The following SLAMF9 variants were observed in gnomAD, a reference collection of about 807,000 sequenced individuals.
SLAMF9 encodes the protein CD2 family member 10.
Under a neutral mutation model 30.4 loss-of-function variants are expected in SLAMF9, and 25 were observed. The ratio of observed to expected loss-of-function variants is 0.82; its 90% confidence interval spans 0.60 to 1.15. The LOEUF (loss-of-function observed/expected upper bound fraction) is 1.15, where lower values mean the gene tolerates loss of function less well. Among genes scored for constraint, SLAMF9 ranks in the 50% most tolerant of loss-of-function variants. The probability of loss-of-function intolerance (pLI) is 0.00; values close to 1 mark genes in which losing one functional copy is unlikely to be tolerated. For missense variants in SLAMF9, 344 were observed against 346.1 expected (o/e 0.99, Z 0.05); for synonymous variants, 129 against 127.2 (o/e 1.01, Z -0.09).
the SLAMF9 span, chr1:159,983,451 A>C: frequency 6.6e-6 from 1 of 152,200 alleles, no homozygotes; most frequent in African/African-American, 2.4e-5. Flanking sequence ...CAAGAAAAGC[A>C]AGAGATCAAA....
chr1:159,971,929 G>A, the SLAMF9 span, among the ~76,000 whole-genome samples: 18 of 152,004 alleles, frequency 1.2e-4, no homozygotes, highest in African/African-American at 3.9e-4. Context: ...CCTTACCCCC[G>A]CCACCAAAAC....
chr1:159,963,031 T>A, the SLAMF9 span, among the ~76,000 whole-genome samples: 22 of 152,252 alleles, frequency 1.4e-4, no homozygotes, highest in African/African-American at 3.6e-4. Flanking sequence ...TAGAAGGAGA[T>A]GGTGGGTGGG....
chr1:159,960,535 G>A, the SLAMF9 span, among the ~76,000 whole-genome samples: 6 of 148,606 alleles, frequency 4.0e-5, no homozygotes, highest in African/African-American at 5.0e-5. Context: ...GTACCATCTC[G>A]GCTAACTGCA....
upstream of SLAMF9, among the ~76,000 whole-genome samples, chr1:159,954,413 C>G (rs1035353593): frequency 3.3e-5 from 5 of 152,168 alleles, no homozygotes; most frequent in Non-Finnish European, 7.3e-5. Context: ...AGCCCAAATC[C>G]CACTTCCTAA....
the SLAMF9 span, among the ~76,000 whole-genome samples, chr1:159,975,299 A>G: frequency 6.6e-6 from 1 of 152,198 alleles, no homozygotes; most frequent in African/African-American, 2.4e-5. Flanking sequence ...ACAGAGAGGA[A>G]CTGCTTAGTT....
At chr1:159,973,054 C>A in the SLAMF9 span, 7 of 1,434,662 alleles carry the variant, frequency 4.9e-6, no homozygotes, top group Non-Finnish European at 6.4e-6. Context: ...CCCTCGGGGG[C>A]CGCCTCACAC....
the SLAMF9 span, chr1:159,973,224 C>T: frequency 2.5e-6 from 3 of 1,219,584 alleles, no homozygotes; most frequent in Non-Finnish European, 3.6e-6. Flanking sequence ...GGTAACCAGG[C>T]TTCCCTCTTA....
intron 2 of SLAMF9, among the ~76,000 whole-genome samples, chr1:159,953,058 G>C (rs1651814674): frequency 6.6e-6 from 1 of 152,204 alleles, no homozygotes; most frequent in South Asian, 2.1e-4. Flanking sequence ...TACAGGATCT[G>C]TACATGAAGC....
the SLAMF9 span, among the ~76,000 whole-genome samples, chr1:159,961,985 C>T: frequency 4.6e-5 from 7 of 151,830 alleles, no homozygotes; most frequent in Admixed American, 2.0e-4. Flanking sequence ...GGTGAAACCC[C>T]CGTCTCTACT....
At chr1:159,976,959 AG>A in the SLAMF9 span, 7 of 11,874 alleles carry the variant, frequency 5.9e-4, no homozygotes, top group African/African-American at 7.6e-4. Context: ...AAAGAAAGAA[AG>A]AGAAAGAAAG....
the SLAMF9 span, among the ~76,000 whole-genome samples, chr1:159,960,010 T>TTA: frequency 0.024 from 3,622 of 148,250 alleles, 51 homozygotes; most frequent in African/African-American, 0.038. Context: ...CCTGACTTCT[T>TTA]TATATATATA....
the SLAMF9 span, among the ~76,000 whole-genome samples, chr1:159,970,844 A>G: frequency 3.6e-3 from 552 of 152,346 alleles, 2 homozygotes; most frequent in South Asian, 4.6e-3. Flanking sequence ...ACAGAATACA[A>G]TGAAAGCTGT....
the SLAMF9 span, among the ~76,000 whole-genome samples, chr1:159,967,457 T>TCATCAA: frequency 2.6e-5 from 4 of 152,206 alleles, no homozygotes; most frequent in African/African-American, 9.6e-5. Context: ...TTATTTCTGT[T>TCATCAA]CCATTGGTTG....
the SLAMF9 span, among the ~76,000 whole-genome samples, chr1:159,970,248 G>T: frequency 6.6e-6 from 1 of 152,146 alleles, no homozygotes; most frequent in African/African-American, 2.4e-5. Flanking sequence ...TGATTAGAAA[G>T]ATAAAACCCA....
At chr1:159,974,232 T>C in the SLAMF9 span, among the ~76,000 whole-genome samples, 1 of 152,186 alleles carries the variant, frequency 6.6e-6, no homozygotes, top group Non-Finnish European at 1.5e-5. Context: ...GGGCAGGACC[T>C]GGACTTCCTT....
intron 2 of SLAMF9, 27 bp downstream of exon 2, chr1:159,953,282 G>C (rs753022478): frequency 1.3e-6 from 2 of 1,570,150 alleles, no homozygotes; most frequent in Non-Finnish European, 1.7e-6. Flanking sequence ...CCCAAAACCA[G>C]CTTTATGGTT....
Position 159,953,351 on chromosome 1 carries a change from A to G in SLAMF9, c.349T>C (p.Ser117Pro), listed in dbSNP as rs142119593. The G allele has an allele frequency of 4.3e-4, 693 of 1,612,770 alleles. 1 individual carries two copies. Among genetic ancestry groups the G allele is most frequent in the Middle Eastern group, 3.8e-3 (23 of 6,058 alleles). ...LYQAQVNLRT[S>P]QISTMQQYNI... ...TACTGCTGCATGGTAGAGATCTGGG[A>G]TGTTCTCAGGTTGACTTGAGCTTGG... is the stretch of plus-strand genomic sequence containing the variant. The change falls in exon 2 of 4, where the codon TCC (serine) becomes CCC (proline). Residue 117 changes from serine to proline, a missense_variant. By Grantham distance (74) the Ser-to-Pro change is moderately conservative (BLOSUM62 -1). Coordinates refer to ENST00000368093, the MANE Select transcript of SLAMF9 (RefSeq NM_033438.4).
At chr1:159,972,877 AC>A in the SLAMF9 span, 1 of 990,328 alleles carries the variant, frequency 1.0e-6, no homozygotes, top group Non-Finnish European at 1.4e-6. Context: ...CAGCCTGACC[AC>A]CCAAGACCCT....
Position 159,952,468 on chromosome 1 carries a change from G to A in SLAMF9, c.458C>T (p.Ser153Phe). ...TGCCTTCTCCACAGAGCACACCAGG[G>A]ACATACTGCAGGCACCTTCCCCAGA... is the stretch of plus-strand genomic sequence containing the variant. ...ESSGEGACSM[S>F]LVCSVEKAGM... The change falls in exon 3 of 4, where the codon TCC becomes TTC. Residue 153 changes from serine (S) to phenylalanine (F), a missense_variant. By Grantham distance (155) the Ser-to-Phe change is radical. Transcript: ENST00000368093. The A allele has an allele frequency of 6.2e-7, 1 of 1,614,080 alleles. No individual in the cohort carries two copies. The highest frequency in any genetic ancestry group is 1.1e-5 in the South Asian group (1 of 91,076).
Sources: gnomAD v4.1 joint callset for allele counts (sites outside exome capture counted in the v4.1 genomes callset) on GRCh38, gnomAD v4.1.1 for gene constraint, MANE v1.5 for transcripts, NCBI Gene and HGNC (gene_info 2026-07-23, HGNC 2026-07-21) for gene names.